The following OLA1 variants were observed in gnomAD, a reference collection of about 807,000 sequenced individuals.
The protein encoded by OLA1 is obg-like ATPase 1.
OLA1 carries 14 observed loss-of-function variants against 48.4 expected under a neutral mutation model. The observed-to-expected ratio is 0.29, with a 90% CI of 0.19 to 0.45. The LOEUF (loss-of-function observed/expected upper bound fraction) is 0.45. Among genes scored for constraint, OLA1 ranks in the 20% least tolerant of loss-of-function variants. The pLI is 1.00. For missense variants in OLA1, 325 were observed against 467.1 expected (o/e 0.70, Z 2.80); for synonymous variants, 127 against 150.4 (o/e 0.84, Z 1.14).
intron 7 of OLA1, among the ~76,000 whole-genome samples, chr2:174,099,640 C>T (rs1408948177): frequency 2.1e-4 from 32 of 152,146 alleles, no homozygotes. Context: ...TTCCATCATC[C>T]AGACACATTG....
intron 7 of OLA1, among the ~76,000 whole-genome samples, chr2:174,120,133 A>T (rs1438444807): frequency 6.6e-6 from 1 of 152,138 alleles, no homozygotes; most frequent in African/African-American, 2.4e-5. Context: ...TGTAAAAAAT[A>T]TGTAAAATTA....
At chr2:174,129,426 C>T (rs767689170) in intron 5 of OLA1, among the ~76,000 whole-genome samples, 36 of 151,514 alleles carry the variant, frequency 2.4e-4, no homozygotes, top group Middle Eastern at 3.4e-3. Context: ...CCACTGCACT[C>T]CAGCCTGGGC....
At chr2:174,098,725 T>G (rs1685315927) in intron 7 of OLA1, among the ~76,000 whole-genome samples, 1 of 152,122 alleles carries the variant, frequency 6.6e-6, no homozygotes, top group African/African-American at 2.4e-5. Flanking sequence ...AGGGTTATGA[T>G]GAAGATTAAA....
intron 10 of OLA1, among the ~76,000 whole-genome samples, chr2:174,077,927 C>A (rs1684783684): frequency 6.6e-6 from 1 of 151,892 alleles, no homozygotes; most frequent in Non-Finnish European, 1.5e-5. Flanking sequence ...TTTTGCACAC[C>A]TACCTATATC....
intron 3 of OLA1, among the ~76,000 whole-genome samples, chr2:174,226,475 A>G (rs930362594): frequency 2.6e-5 from 4 of 151,860 alleles, no homozygotes; most frequent in African/African-American, 9.7e-5. Context: ...ACATTTATTA[A>G]TGTTCTTTTT....
chr2:174,188,230 T>G (rs930782579), intron 4 of OLA1, among the ~76,000 whole-genome samples: 2 of 152,124 alleles, frequency 1.3e-5, no homozygotes, highest in African/African-American at 2.4e-5. Context: ...TCAGAGAGGT[T>G]GTTAAGACAC....
intron 2 of OLA1, among the ~76,000 whole-genome samples, chr2:174,241,594 T>C (rs1689005063): frequency 1.3e-5 from 2 of 152,136 alleles, no homozygotes; most frequent in Non-Finnish European, 2.9e-5. Flanking sequence ...AGTATACTAG[T>C]TGCCCATAAT....
intron 7 of OLA1, among the ~76,000 whole-genome samples, chr2:174,083,243 A>C (rs1209108185): frequency 6.6e-6 from 1 of 152,152 alleles, no homozygotes. Flanking sequence ...AGTCCTTTAA[A>C]TAATTAATGT....
chr2:174,160,974 T>C (rs903692232), intron 4 of OLA1, among the ~76,000 whole-genome samples: 7 of 152,216 alleles, frequency 4.6e-5, no homozygotes, highest in African/African-American at 1.7e-4. Flanking sequence ...ACTAGGTTTT[T>C]AAAAATAATA....
chr2:174,109,151 G>A (rs2105357640), intron 7 of OLA1, among the ~76,000 whole-genome samples: 1 of 152,252 alleles, frequency 6.6e-6, no homozygotes, highest in African/African-American at 2.4e-5. Context: ...AGTCTATTAA[G>A]TGATACATAG....
intron 2 of OLA1, among the ~76,000 whole-genome samples, chr2:174,240,688 A>G (rs185763980): frequency 6.6e-6 from 1 of 152,336 alleles, no homozygotes; most frequent in East Asian, 1.9e-4. Flanking sequence ...TTCTCGGTAG[A>G]CATGGGAATC....
chr2:174,077,116 C>A (rs1684757959), intron 10 of OLA1, among the ~76,000 whole-genome samples: 1 of 152,034 alleles, frequency 6.6e-6, no homozygotes, highest in African/African-American at 2.4e-5. Flanking sequence ...ATTTGTGAAT[C>A]TTGAGTATGT....
intron 7 of OLA1, among the ~76,000 whole-genome samples, chr2:174,112,175 C>T (rs1424472872): frequency 6.6e-6 from 1 of 152,124 alleles, no homozygotes; most frequent in Non-Finnish European, 1.5e-5. Flanking sequence ...TCTACCTTTC[C>T]AGCATCACCA....
chr2:174,243,635 G>A (rs941311651), intron 2 of OLA1, among the ~76,000 whole-genome samples: 3 of 151,916 alleles, frequency 2.0e-5, no homozygotes, highest in Admixed American at 1.3e-4. Flanking sequence ...CGAGACAATC[G>A]GTACCTTCCT....
At chr2:174,220,171 G>A (rs979628304) in intron 4 of OLA1, among the ~76,000 whole-genome samples, 9 of 152,096 alleles carry the variant, frequency 5.9e-5, no homozygotes, top group Admixed American at 2.0e-4. Context: ...AGCCATTTGA[G>A]ATGGATATCT....
At chr2:174,182,418 C>T (rs1041040446) in intron 4 of OLA1, among the ~76,000 whole-genome samples, 14 of 152,006 alleles carry the variant, frequency 9.2e-5, no homozygotes, top group Non-Finnish European at 1.9e-4. Context: ...TCCACTTACT[C>T]AGGAGGCTGA....
chr2:174,220,571 C>T (rs1199348363), intron 4 of OLA1, among the ~76,000 whole-genome samples: 1 of 152,126 alleles, frequency 6.6e-6, no homozygotes, highest in African/African-American at 2.4e-5. Flanking sequence ...CTTACCAATA[C>T]ATCCCTCAGC....
intron 4 of OLA1, among the ~76,000 whole-genome samples, chr2:174,149,017 C>T (rs1686681349): frequency 6.6e-6 from 1 of 152,188 alleles, no homozygotes; most frequent in East Asian, 1.9e-4. Context: ...ACGTTAATTT[C>T]TCCTCTAGTT....
At chr2:174,105,939 T>C (rs1685505962) in intron 7 of OLA1, among the ~76,000 whole-genome samples, 1 of 152,066 alleles carries the variant, frequency 6.6e-6, no homozygotes, top group Non-Finnish European at 1.5e-5. Context: ...GCTAGGTACA[T>C]ACACACACAA....
Sources: gnomAD v4.1 joint callset for allele counts (sites outside exome capture counted in the v4.1 genomes callset) on GRCh38, gnomAD v4.1.1 for gene constraint, MANE v1.5 for transcripts, NCBI Gene and HGNC (gene_info 2026-07-23, HGNC 2026-07-21) for gene names.